GLRA2: variants seen among roughly 807,000 people sequenced by gnomAD.
The protein encoded by GLRA2 is glycine receptor subunit alpha-2.
GLRA2 carries 11 observed loss-of-function variants against 31.6 expected under a neutral mutation model. The ratio of observed to expected loss-of-function variants is 0.35; its 90% CI spans 0.22 to 0.58. The LOEUF (loss-of-function observed/expected upper bound fraction) is 0.58. Ranked by LOEUF, GLRA2 falls within the 20% of genes least tolerant of loss-of-function variation. GLRA2 has a pLI of 0.84. For missense variants in GLRA2, 212 were observed against 351.8 expected (o/e 0.60, Z 3.18); for synonymous variants, 132 against 134.0 (o/e 0.99, Z 0.10).
At chrX:14,658,176 T>C (rs2147145310) in intron 7 of GLRA2, among the ~76,000 whole-genome samples, 1 of 111,353 alleles carries the variant, frequency 9.0e-6, no homozygotes, top group South Asian at 3.8e-4. Flanking sequence ...TCAATGAAAC[T>C]TTCTCTTACC....
chrX:14,574,387 C>A lies in GLRA2; in HGVS notation c.257C>A (p.Thr86Lys). ...NIFINSFGSV[T>K]ETTMDYRVNI... ...TTTATCAACAGTTTTGGATCAGTCA[C>A]AGAAACGACCATGGTAAGTGCTGCA... The change falls in exon 3 of 9, where the codon ACA becomes AAA. Residue 86 changes from threonine (T) to lysine (K), a missense_variant. Around this residue, in one of 5 missense-constraint regions of GLRA2, gnomAD observed 110 missense variants for 232.6 expected, o/e 0.47. Coordinates refer to ENST00000218075, the MANE Select transcript of GLRA2 (RefSeq NM_002063.4). 1 of 1,189,506 alleles carries A rather than the reference C, an allele frequency of 8.4e-7. No individual in the cohort carries two copies. Among genetic ancestry groups the A allele is most frequent in the Non-Finnish European group, 1.1e-6 (1 of 874,931 alleles).
rs762245743 is a variant in GLRA2, at chrX:14,688,950, T to C, written c.931-1760T>C. Among the ~76,000 whole-genome samples, 6 of 112,111 alleles carry C rather than the reference T, an allele frequency of 5.4e-5. No individual in the cohort carries two copies. In the South Asian group the frequency reaches 2.2e-3, roughly 42 times the overall value. ...ATTCGGCCATCTTGGAACTTCTTTC[T>C]GAAACTATTCTAAAATCTTTATGTA... On this transcript the variant is annotated intron_variant, in intron 7 of 8. Transcript: ENST00000218075.
At chrX:14,598,038 AC>A (rs2090226713) in intron 4 of GLRA2, among the ~76,000 whole-genome samples, 1 of 111,403 alleles carries the variant, frequency 9.0e-6, no homozygotes, top group East Asian at 2.8e-4. Context: ...CTAAAGGAGC[AC>A]CATAGGTTCC....
At chrX:14,628,759 A>T (rs754238617) in intron 7 of GLRA2, among the ~76,000 whole-genome samples, 19 of 111,995 alleles carry the variant, frequency 1.7e-4, no homozygotes, top group African/African-American at 5.8e-4. Flanking sequence ...TGTGGCTGGA[A>T]TGTAGAGGAC....
At chrX:14,613,095 T>C (rs1044094658) in intron 7 of GLRA2, among the ~76,000 whole-genome samples, 1 of 111,756 alleles carries the variant, frequency 8.9e-6, no homozygotes, top group African/African-American at 3.2e-5. Context: ...AGAACATTAT[T>C]ATCTACCCCT....
chrX:14,585,229 G>C (rs1375938523), intron 4 of GLRA2, among the ~76,000 whole-genome samples: 1 of 111,588 alleles, frequency 9.0e-6, no homozygotes, highest in Non-Finnish European at 1.9e-5. Context: ...CTAATTATTT[G>C]CCTAGAAGGG....
At chrX:14,597,475 A>T (rs1430633898) in intron 4 of GLRA2, among the ~76,000 whole-genome samples, 2 of 111,604 alleles carry the variant, frequency 1.8e-5, no homozygotes, top group Non-Finnish European at 3.8e-5. Context: ...TTGCTGGGGG[A>T]GGCCCAGAGA....
intron 8 of GLRA2, among the ~76,000 whole-genome samples, chrX:14,729,721 T>TA (rs2147273940): frequency 9.0e-6 from 1 of 111,293 alleles, no homozygotes; most frequent in Non-Finnish European, 1.9e-5. Flanking sequence ...AACCTAATGT[T>TA]AATGGGGGAA....
chrX:14,551,737 G>A (rs761886205), intron 2 of GLRA2, among the ~76,000 whole-genome samples: 1 of 111,399 alleles, frequency 9.0e-6, no homozygotes, highest in African/African-American at 3.3e-5. Flanking sequence ...TTTTTCTCCG[G>A]ACCCTAGGAA....
In GLRA2 at chrX:14,581,197, T is replaced by C; in HGVS notation, c.285T>C (p.Asn95=). 3 of 1,171,221 alleles carry C rather than the reference T, an allele frequency of 2.6e-6. No homozygotes were observed. Among genetic ancestry groups the C allele is most frequent in the Non-Finnish European group, 3.5e-6 (3 of 858,613 alleles). The change falls in exon 4 of 9, where the codon AAT becomes AAC. Residue 95 remains asparagine, a synonymous_variant. Transcript: ENST00000218075. ...CATTTCTGTAGGACTACCGAGTGAA[T>C]ATTTTTCTGAGACAACAGTGGAATG... ...VTETTMDYRV[N]IFLRQQWNDS...
At chrX:14,460,696 G>GT in the GLRA2 span, among the ~76,000 whole-genome samples, 1 of 112,138 alleles carries the variant, frequency 8.9e-6, no homozygotes, top group Non-Finnish European at 1.9e-5. Flanking sequence ...TGTGGAATCA[G>GT]TGGTGATATC....
intron 4 of GLRA2, among the ~76,000 whole-genome samples, chrX:14,582,899 T>A (rs1413673857): frequency 8.9e-6 from 1 of 112,227 alleles, no homozygotes; most frequent in Admixed American, 9.5e-5. Context: ...CAATAAAATA[T>A]TATTTACAAA....
At chrX:14,660,323 C>T (rs1163802618) in intron 7 of GLRA2, among the ~76,000 whole-genome samples, 1 of 111,526 alleles carries the variant, frequency 9.0e-6, no homozygotes, top group Non-Finnish European at 1.9e-5. Context: ...ACAGTCAGTG[C>T]AGAAACTCTA....
At chrX:14,533,117 T>C (rs1265215325) in intron 2 of GLRA2, among the ~76,000 whole-genome samples, 1 of 111,226 alleles carries the variant, frequency 9.0e-6, no homozygotes, top group African/African-American at 3.2e-5. Context: ...AATCAATTAC[T>C]AATAACTGAA....
At chrX:14,612,943 C>G (rs953477231) in intron 7 of GLRA2, among the ~76,000 whole-genome samples, 2 of 110,255 alleles carry the variant, frequency 1.8e-5, no homozygotes, top group African/African-American at 3.3e-5. Flanking sequence ...ACTGCATGTT[C>G]TGCACAGGTA....
chrX:14,681,059 T>C (rs967521248), intron 7 of GLRA2, among the ~76,000 whole-genome samples: 1 of 112,423 alleles, frequency 8.9e-6, no homozygotes, highest in Non-Finnish European at 1.9e-5. Context: ...AGGAAAATAG[T>C]ATAACTTAAT....
chrX:14,618,002 A>G (rs2090472597), intron 7 of GLRA2, among the ~76,000 whole-genome samples: 1 of 112,199 alleles, frequency 8.9e-6, no homozygotes, highest in African/African-American at 3.2e-5. Flanking sequence ...GTTTTAAATA[A>G]AATGACTGAT....
At chrX:14,555,995 C>T (rs1232936117) in intron 2 of GLRA2, among the ~76,000 whole-genome samples, 1 of 111,307 alleles carries the variant, frequency 9.0e-6, no homozygotes, top group Non-Finnish European at 1.9e-5. Context: ...TAAAAGTCGA[C>T]CATAATACAA....
the GLRA2 span, among the ~76,000 whole-genome samples, chrX:14,467,353 C>T: frequency 9.0e-6 from 1 of 111,695 alleles, no homozygotes; most frequent in Non-Finnish European, 1.9e-5. Context: ...CTATGTGGGA[C>T]CTGAGTAGTA....
Sources: allele counts gnomAD v4.1 joint callset (sites outside exome capture counted in the v4.1 genomes callset), GRCh38; gene constraint gnomAD v4.1.1; regional missense constraint gnomAD v4.1.1; transcripts MANE v1.5; gene names NCBI Gene and HGNC (gene_info 2026-07-23, HGNC 2026-07-21).